The following DNAJC21 variants were observed in gnomAD, a reference collection of about 807,000 sequenced individuals.
DNAJC21 encodes DnaJ heat shock protein family (Hsp40) member C21.
Under a neutral mutation model 72.4 loss-of-function variants are expected in DNAJC21, and 63 were observed. The ratio of observed to expected loss-of-function variants is 0.87; its 90% CI spans 0.71 to 1.07. The LOEUF (loss-of-function observed/expected upper bound fraction) is 1.07, where lower values mean the gene tolerates loss of function less well. Ranked by LOEUF, DNAJC21 falls within the 50% of genes least tolerant of loss-of-function variation. The pLI is 0.00. For missense variants in DNAJC21, 634 were observed against 644.8 expected, an observed-to-expected ratio of 0.98 and a Z score of 0.18; for synonymous variants, 203 against 216.7, an observed-to-expected ratio of 0.94 and a Z score of 0.56.
chr5:34,947,654 ATGT>A (rs1346306926), intron 9 of DNAJC21, among the ~76,000 whole-genome samples: 8 of 103,400 alleles, frequency 7.7e-5, no homozygotes, highest in Admixed American at 5.5e-4. Flanking sequence ...AGTTTTCACC[ATGT>A]TTTTTTTTTT....
intron 10 of DNAJC21, chr5:34,950,969 TAGTG>T (rs3034128): frequency 0.14 from 134,670 of 985,228 alleles, 9,547 homozygotes; most frequent in South Asian, 0.21. Flanking sequence ...AAAGATCTGA[TAGTG>T]AGGAGCTTCA....
chr5:34,951,604 T>C (rs551720026), intron 10 of DNAJC21: 2 of 964,460 alleles, frequency 2.1e-6, no homozygotes, highest in Non-Finnish European at 2.5e-6. Context: ...CTCGGCTCAC[T>C]GCAACCTCCG....
At position 34,958,637 on chromosome 5, in the gene DNAJC21, G is replaced by A. The variant is rs1167750397; in HGVS notation, c.*3923G>A. 6.6e-6 allele frequency: 1 copy of A among 152,156 alleles called. No individual in the cohort carries two copies. 9.4% of individuals were successfully genotyped at this position (152,156 alleles called of 1,614,324 possible). A position where few individuals can be genotyped will look rare whatever the true frequency, so the allele number is the denominator to read the frequency against. On this transcript the variant is annotated 3_prime_UTR_variant, in exon 12 of 12. Transcript: ENST00000648817. Reference sequence around the variant, plus strand: ...GGAAATGTTTGCAATGCATGGAACTGTCAAAGGATTCGTATCTGGAATACA... The same window carrying A: ...GGAAATGTTTGCAATGCATGGAACTATCAAAGGATTCGTATCTGGAATACA...
At chr5:34,941,475 A>AGC (rs1436009349) in intron 7 of DNAJC21, among the ~76,000 whole-genome samples, 1 of 151,770 alleles carries the variant, frequency 6.6e-6, no homozygotes, top group Non-Finnish European at 1.5e-5. Context: ...CACCTGCCTC[A>AGC]GCCTTTCAAA....
At chr5:34,953,678 A>G (rs966969636) in intron 10 of DNAJC21, 5 of 384,164 alleles carry the variant, frequency 1.3e-5, no homozygotes, top group Non-Finnish European at 1.9e-5. Context: ...CCTTGTTTTA[A>G]CTTTGTTTCA....
rs1764773836 is a variant in DNAJC21 at position 34,936,263 on chromosome 5, T to TA, written c.436dup (p.Thr146AsnfsTer26). ...TTGGAGACTCCCAGAGTGACTATGA[T>TA]ACGGTAAAATAAAAATGCATTGTTC... On this transcript the variant is annotated frameshift_variant, in exon 4 of 12. Transcript: ENST00000648817. LOFTEE classifies it high-confidence loss of function. The TA allele has an allele frequency of 1.9e-6, 3 of 1,606,218 alleles. No homozygotes were observed. Among genetic ancestry groups the TA allele is most frequent in the Non-Finnish European group, 2.5e-6 (3 of 1,178,204 alleles).
intron 10 of DNAJC21, among the ~76,000 whole-genome samples, chr5:34,953,065 G>A (rs1180948874): frequency 2.6e-5 from 4 of 151,966 alleles, no homozygotes; most frequent in Admixed American, 6.6e-5. Context: ...CAGGAAAATC[G>A]CTTGAACCCG....
intron 5 of DNAJC21, among the ~76,000 whole-genome samples, chr5:34,938,379 T>A (rs189218238): frequency 6.6e-6 from 1 of 152,336 alleles, no homozygotes; most frequent in Admixed American, 6.5e-5. Flanking sequence ...CAGACTTTCC[T>A]GCTTTAGCCA....
chr5:34,933,780 T>C (rs1202447451), intron 1 of DNAJC21, 35 bp from the exon 2 acceptor site: 1 of 1,576,050 alleles, frequency 6.3e-7, no homozygotes, highest in East Asian at 2.2e-5. Flanking sequence ...GTCCTGTACG[T>C]TTTTGATTGA....
chr5:34,947,696 CAT>C (rs1365329447), intron 9 of DNAJC21, among the ~76,000 whole-genome samples: 2 of 125,100 alleles, frequency 1.6e-5, no homozygotes, highest in South Asian at 5.2e-4. Context: ...TTTTCTCTAT[CAT>C]GTGCTCATGG....
intron 10 of DNAJC21, chr5:34,950,940 C>T (rs1351891956): frequency 1.0e-6 from 1 of 984,762 alleles, no homozygotes; most frequent in Non-Finnish European, 1.2e-6. Flanking sequence ...AACAGAGAAT[C>T]ATTTCTTATT....
chr5:34,944,329 A>G (rs1168118844), intron 7 of DNAJC21, among the ~76,000 whole-genome samples: 4 of 152,182 alleles, frequency 2.6e-5, no homozygotes, highest in Non-Finnish European at 2.9e-5. Flanking sequence ...CTTGTATTTC[A>G]AGCCTTCCCA....
chr5:34,954,145 T>G, intron 11 of DNAJC21, 144 bp downstream of exon 11: 1 of 652,348 alleles, frequency 1.5e-6, no homozygotes, highest in Non-Finnish European at 2.4e-6. Flanking sequence ...TTGTTTGATA[T>G]AATGTATCTT....
intron 3 of DNAJC21, 102 bp from the exon 4 acceptor site, chr5:34,936,041 CA>C (rs1764760943): frequency 1.3e-6 from 2 of 1,508,886 alleles, no homozygotes; most frequent in Non-Finnish European, 1.8e-6. Context: ...AACTTTGTCC[CA>C]AAATTCTTCA....
rs781627600 is a variant in DNAJC21, at chr5:34,937,419, C to A, written c.532C>A (p.Arg178Ser). 1 of 1,614,042 alleles carries A rather than the reference C, an allele frequency of 6.2e-7. No homozygotes were observed. Among genetic ancestry groups the A allele is most frequent in the Non-Finnish European group, 8.5e-7 (1 of 1,180,016 alleles). ...EEYDTRQASN[R>S]WEKRAMEKEN... ...ATATGATACACGACAGGCTTCAAAC[C>A]GCTGGGAAAAACGAGCCATGGAAAA... Residue 178 changes from arginine to serine, a missense_variant, in exon 5 of 12, where the codon CGC becomes AGC. Transcript: ENST00000648817.
At chr5:34,942,386 G>A (rs535476126) in intron 7 of DNAJC21, among the ~76,000 whole-genome samples, 1 of 152,240 alleles carries the variant, frequency 6.6e-6, no homozygotes, top group South Asian at 2.1e-4. Flanking sequence ...GGGAAAAAAA[G>A]CAAAATGGGC....
At chr5:34,954,033 C>CAT in intron 11 of DNAJC21, 32 bp downstream of exon 11, 1 of 1,566,952 alleles carries the variant, frequency 6.4e-7, no homozygotes, top group East Asian at 2.3e-5. Context: ...ATCTCTTTAG[C>CAT]ATATCTTGCT....
intron 8 of DNAJC21, 69 bp from the exon 9 acceptor site, chr5:34,945,692 C>CTT (rs534209289): frequency 5.4e-4 from 557 of 1,027,256 alleles, no homozygotes; most frequent in South Asian, 1.6e-3. Flanking sequence ...AGTGTTTCAA[C>CTT]TTTTTTTTTT....
chr5:34,937,693 T>A (rs1439287376), intron 5 of DNAJC21, 63 bp downstream of exon 5: 2 of 1,533,296 alleles, frequency 1.3e-6, no homozygotes, highest in East Asian at 2.3e-5. Flanking sequence ...GCACCAGAGG[T>A]ACCTTACATG....
Sources: allele counts gnomAD v4.1 joint callset (sites outside exome capture counted in the v4.1 genomes callset), GRCh38; gene constraint gnomAD v4.1.1; transcripts MANE v1.5; gene names NCBI Gene and HGNC (gene_info 2026-07-23, HGNC 2026-07-21).